PALM2AKAP2: variants seen among roughly 807,000 people sequenced by gnomAD.
The protein encoded by PALM2AKAP2 is PALM2 and AKAP2 fusion, also known as PALM2-AKAP2 fusion protein.
A neutral mutation model predicts 71.5 loss-of-function variants in PALM2AKAP2; 37 were observed. The observed-to-expected ratio is 0.52, with a 90% CI of 0.40 to 0.68. The LOEUF (loss-of-function observed/expected upper bound fraction) is 0.68. Ranked by LOEUF, PALM2AKAP2 falls within the 30% of genes least tolerant of loss-of-function variation. The pLI, the probability that PALM2AKAP2 is intolerant of heterozygous loss-of-function variation, is 0.00. For synonymous variants in PALM2AKAP2, 468 were observed against 478.8 expected, an observed-to-expected ratio of 0.98 and a Z score of 0.29; for missense variants, 1,224 against 1,191.8, an observed-to-expected ratio of 1.03 and a Z score of -0.40.
chr9:110,072,565 G>A (rs1047859837), intron 1 of PALM2AKAP2, among the ~76,000 whole-genome samples: 1 of 152,238 alleles, frequency 6.6e-6, no homozygotes, highest in Non-Finnish European at 1.5e-5. Context: ...AAGGATGGCG[G>A]TAGATGAAGA....
chr9:110,012,675 A>G (rs1404987294), intron 6 of PALM2AKAP2, among the ~76,000 whole-genome samples: 1 of 152,242 alleles, frequency 6.6e-6, no homozygotes, highest in East Asian at 1.9e-4. Context: ...CTTGTTATGA[A>G]ATGTTTCCTA....
At chr9:109,812,398 C>T (rs1827748341) in intron 1 of PALM2AKAP2, among the ~76,000 whole-genome samples, 1 of 152,082 alleles carries the variant, frequency 6.6e-6, no homozygotes, top group Non-Finnish European at 1.5e-5. Flanking sequence ...CTGGGTTGGT[C>T]TCTTTGCTGG....
At chr9:110,132,000 C>T (rs1835744608) in intron 1 of PALM2AKAP2, among the ~76,000 whole-genome samples, 1 of 151,600 alleles carries the variant, frequency 6.6e-6, no homozygotes, top group South Asian at 2.1e-4. Context: ...TACACTGGAA[C>T]CCCCAAACTT....
intron 1 of PALM2AKAP2, among the ~76,000 whole-genome samples, chr9:109,817,404 G>T (rs889969693): frequency 3.9e-5 from 6 of 152,126 alleles, no homozygotes; most frequent in Non-Finnish European, 7.3e-5. Context: ...GAGTCACAAG[G>T]GTAGCACGTC....
chr9:110,103,969 G>A (rs1835057698), intron 1 of PALM2AKAP2, among the ~76,000 whole-genome samples: 1 of 152,162 alleles, frequency 6.6e-6, no homozygotes, highest in Admixed American at 6.5e-5. Context: ...GGCCTATGCT[G>A]TGATCCCTGG....
intron 1 of PALM2AKAP2, among the ~76,000 whole-genome samples, chr9:109,842,831 A>G (rs1476102334): frequency 6.6e-6 from 1 of 151,982 alleles, no homozygotes; most frequent in Non-Finnish European, 1.5e-5. Flanking sequence ...CCTGGGCAAT[A>G]TAGTGAGATT....
intron 1 of PALM2AKAP2, among the ~76,000 whole-genome samples, chr9:110,117,340 G>A (rs1304351360): frequency 6.6e-6 from 1 of 152,070 alleles, no homozygotes; most frequent in Non-Finnish European, 1.5e-5. Context: ...GCCCAGGCTG[G>A]TCTCGAACTC....
At chr9:109,664,438 T>C (rs1827447121) in intron 1 of PALM2AKAP2, among the ~76,000 whole-genome samples, 1 of 152,202 alleles carries the variant, frequency 6.6e-6, no homozygotes, top group Non-Finnish European at 1.5e-5. Context: ...TATTTCTCAT[T>C]CACTTTTGAA....
At chr9:109,933,368 G>T (rs901259629) in intron 6 of PALM2AKAP2, among the ~76,000 whole-genome samples, 5 of 152,208 alleles carry the variant, frequency 3.3e-5, no homozygotes, top group African/African-American at 1.2e-4. Context: ...TTAGAGACAT[G>T]GGTGTTGATG....
intron 1 of PALM2AKAP2, among the ~76,000 whole-genome samples, chr9:109,666,644 TC>T (rs912639827): frequency 2.0e-5 from 3 of 152,220 alleles, no homozygotes; most frequent in Non-Finnish European, 4.4e-5. Context: ...ATGTCCAGGC[TC>T]CCACTTGCAA....
chr9:109,957,089 C>A (rs1314474416), intron 6 of PALM2AKAP2, among the ~76,000 whole-genome samples: 1 of 152,158 alleles, frequency 6.6e-6, no homozygotes, highest in African/African-American at 2.4e-5. Context: ...AGGATTGAAT[C>A]GAGTACATCA....
intron 1 of PALM2AKAP2, among the ~76,000 whole-genome samples, chr9:110,105,883 A>G (rs1467960516): frequency 6.6e-6 from 1 of 152,222 alleles, no homozygotes; most frequent in Non-Finnish European, 1.5e-5. Context: ...TTTTGGAATT[A>G]AATGTAATGT....
In PALM2AKAP2 at chr9:110,014,799, AAAAAATGTATATATAT is replaced by A. The variant is rs1307349843; in HGVS notation, c.497-1153_497-1138del. Among the ~76,000 whole-genome samples the A allele has an allele frequency of 1.6e-3, 91 of 56,616 alleles. 3 individuals are homozygous for A. Among genetic ancestry groups the A allele is most frequent in the African/African-American group, 5.7e-3 (83 of 14,478 alleles). 37.1% of individuals were successfully genotyped at this position (56,616 alleles called of 152,430 possible). On this transcript the variant is annotated intron_variant, in intron 6 of 9. Coordinates refer to the PALM2AKAP2 transcript ENST00000302798. ...TGTCTCAAAAAAAAAAAAAAAAAAA[AAAAAATGTATATATAT>A]ATATATATATATATATATATATATA... is the stretch of plus-strand genomic sequence containing the variant.
intron 7 of PALM2AKAP2, among the ~76,000 whole-genome samples, chr9:110,017,339 G>C (rs892391246): frequency 1.3e-5 from 2 of 152,240 alleles, no homozygotes; most frequent in Non-Finnish European, 1.5e-5. Context: ...ATGAAAGATA[G>C]GATAGTAGCC....
At chr9:110,116,031 C>T (rs1020846550) in intron 1 of PALM2AKAP2, among the ~76,000 whole-genome samples, 11 of 152,114 alleles carry the variant, frequency 7.2e-5, no homozygotes, top group African/African-American at 2.2e-4. Flanking sequence ...GTGGGTAAAT[C>T]TACGAGAGAG....
At chr9:110,161,035 C>T (rs749739729) in intron 3 of PALM2AKAP2, among the ~76,000 whole-genome samples, 2 of 152,136 alleles carry the variant, frequency 1.3e-5, no homozygotes, top group Non-Finnish European at 2.9e-5. Context: ...TGAAGGAAGC[C>T]TATCTGCCTC....
chr9:109,741,845 A>C (rs1828719332), intron 1 of PALM2AKAP2, among the ~76,000 whole-genome samples: 1 of 152,230 alleles, frequency 6.6e-6, no homozygotes, highest in Non-Finnish European at 1.5e-5. Flanking sequence ...TTTGTGAAAA[A>C]CACTGTATTT....
exon 3 of PALM2AKAP2, chr9:110,156,418 C>T (rs1490486144): frequency 1.2e-6 from 2 of 1,613,108 alleles, no homozygotes; most frequent in East Asian, 2.2e-5. Flanking sequence ...ACCCAGCGGC[C>T]CAAGAATCTG....
chr9:110,165,185 A>G lies in PALM2AKAP2; in HGVS notation c.2749-3214A>G, dbSNP rs185505493. Among the ~76,000 whole-genome samples, 90 of 152,290 alleles carry G rather than the reference A, an allele frequency of 5.9e-4. 2 individuals are homozygous for G. The South Asian group carries it at 0.016, about 26-fold the overall frequency. On this transcript the variant is annotated intron_variant, in intron 3 of 3. Transcript: ENST00000374525. Reference sequence around the variant, plus strand: ...ATGACATTATTAGAGCCCCAGAGACATATGCCTTTTTGCCCAGAAAATAAA... The same window carrying G: ...ATGACATTATTAGAGCCCCAGAGACGTATGCCTTTTTGCCCAGAAAATAAA...
Sources: allele counts gnomAD v4.1 joint callset (sites outside exome capture counted in the v4.1 genomes callset), GRCh38; gene constraint gnomAD v4.1.1; transcripts MANE v1.5; gene names NCBI Gene and HGNC (gene_info 2026-07-23, HGNC 2026-07-21).